The following GCNT2 variants were observed in gnomAD, a reference collection of about 807,000 sequenced individuals.
GCNT2 encodes the protein glucosaminyl (N-acetyl) transferase 2 (I blood group), also known as N-acetyllactosaminide beta-1,6-N-acetylglucosaminyl-transferase.
GCNT2 carries 34 observed loss-of-function variants against 34.2 expected under a neutral mutation model. The ratio of observed to expected loss-of-function variants is 1.00; its 90% confidence interval spans 0.76 to 1.32. GCNT2 has a LOEUF of 1.32. GCNT2 is among the 40% of genes most tolerant of loss of function. The pLI is 0.00. For synonymous variants in GCNT2, 212 were observed against 188.0 expected, an observed-to-expected ratio of 1.13 and a Z score of -1.04; for missense variants, 584 against 489.4, an observed-to-expected ratio of 1.19 and a Z score of -1.82.
intron 3 of GCNT2, chr6:10,581,774 C>T: frequency 1.0e-6 from 1 of 985,202 alleles, no homozygotes; most frequent in Non-Finnish European, 1.2e-6. Flanking sequence ...AAGACCTTTG[C>T]CTCTCTTTTC....
chr6:10,550,889 GTT>G (rs2113635387), intron 3 of GCNT2, among the ~76,000 whole-genome samples: 1 of 152,306 alleles, frequency 6.6e-6, no homozygotes, highest in Non-Finnish European at 1.5e-5. Flanking sequence ...TAAAAGTAAA[GTT>G]TGCAAACCAC....
intron 3 of GCNT2, among the ~76,000 whole-genome samples, chr6:10,580,977 C>T (rs1272458880): frequency 1.3e-5 from 2 of 152,122 alleles, no homozygotes; most frequent in East Asian, 3.9e-4. Context: ...ACAGAATGAC[C>T]ACTTAACAAT....
rs1376570134 is a variant in GCNT2, at chr6:10,629,256, A to C, written c.*2649A>C. ...GTTGGAAGAGCATAGTGTTTGGGCT[A>C]GTGGGTTTCTGACAGCCCATGGGAA... is the stretch of plus-strand genomic sequence containing the variant. On this transcript the variant is annotated 3_prime_UTR_variant, in exon 5 of 5. Coordinates refer to ENST00000495262, the MANE Select transcript of GCNT2 (RefSeq NM_145649.5). 1.3e-5 allele frequency: 2 copies of C among 152,558 alleles called. No homozygotes were observed. The highest frequency in any genetic ancestry group is 2.9e-5 in the Non-Finnish European group (2 of 68,012). The allele number at this position is 152,558 out of a possible 1,614,324, so 9.5% of individuals were successfully genotyped here.
chr6:10,558,261 G>A (rs1366702730), intron 3 of GCNT2, among the ~76,000 whole-genome samples: 2 of 152,140 alleles, frequency 1.3e-5, no homozygotes, highest in African/African-American at 4.8e-5. Context: ...GAGAGTAAAT[G>A]CTCAATAAGT....
Position 10,605,208 on chromosome 6 carries a change from A to ATTTTTTT in GCNT2, c.926-16124_926-16118dup, listed in dbSNP as rs869167781. 1.5e-3 allele frequency among the ~76,000 whole-genome samples: 139 copies of ATTTTTTT among 94,214 alleles called. 6 individuals carry two copies. Among genetic ancestry groups the ATTTTTTT allele is most frequent in the African/African-American group, 3.4e-3 (77 of 22,580 alleles). The allele number at this position is 94,214 out of a possible 152,430, so 61.8% of individuals were successfully genotyped here. A position where few individuals can be genotyped will look rare whatever the true frequency, so the allele number is the denominator to read the frequency against. On this transcript the variant is annotated intron_variant, in intron 3 of 4. Coordinates refer to ENST00000495262, the MANE Select transcript of GCNT2 (RefSeq NM_145649.5). ...AACCACATATTGCTTTCATGTAGGA[A>ATTTTTTT]TTTTTTTTTTTTTTTTTTTTTTTTT... is the stretch of plus-strand genomic sequence containing the variant.
chr6:10,531,698 G>A (rs1761497890), intron 3 of GCNT2, among the ~76,000 whole-genome samples: 1 of 152,130 alleles, frequency 6.6e-6, no homozygotes, highest in Non-Finnish European at 1.5e-5. Context: ...GGAAAGCACA[G>A]AGCTGTTTAA....
chr6:10,541,163 C>A (rs969212976), intron 3 of GCNT2, among the ~76,000 whole-genome samples: 1 of 152,100 alleles, frequency 6.6e-6, no homozygotes, highest in South Asian at 2.1e-4. Flanking sequence ...CTGATGCTTT[C>A]CCTCTGCCAA....
chr6:10,590,595 C>T (rs1764592467), intron 3 of GCNT2, among the ~76,000 whole-genome samples: 2 of 150,870 alleles, frequency 1.3e-5, no homozygotes, highest in African/African-American at 4.9e-5. Flanking sequence ...TGCTCTGTCG[C>T]CAGGCTGAAG....
At chr6:10,532,484 C>T (rs1252063879) in intron 3 of GCNT2, among the ~76,000 whole-genome samples, 2 of 152,140 alleles carry the variant, frequency 1.3e-5, no homozygotes, top group Non-Finnish European at 2.9e-5. Flanking sequence ...GGCTGGAGTG[C>T]AGTGGCACAA....
At chr6:10,616,907 CAG>C (rs1334182797) in intron 3 of GCNT2, among the ~76,000 whole-genome samples, 1 of 152,212 alleles carries the variant, frequency 6.6e-6, no homozygotes, top group East Asian at 1.9e-4. Flanking sequence ...GAGCTAGAGA[CAG>C]AGTGCTGATT....
Position 10,621,338 on chromosome 6 carries a change from A to G in GCNT2, c.926-13A>G, listed in dbSNP as rs1357031120. 23 of 1,561,252 alleles carry G rather than the reference A, an allele frequency of 1.5e-5. No homozygotes were observed. Among genetic ancestry groups the G allele is most frequent in the Non-Finnish European group, 1.9e-5 (21 of 1,133,066 alleles). ...ACTCTCATCTCTACGCTTCTTCTTT[A>G]TCAACATTGCAGGTGTTCCTGGCTC... On this transcript the variant is annotated splice_polypyrimidine_tract_variant and intron_variant, in intron 3 of 4. Transcript: ENST00000495262.
At chr6:10,550,209 A>G (rs1480103126) in intron 3 of GCNT2, among the ~76,000 whole-genome samples, 1 of 152,082 alleles carries the variant, frequency 6.6e-6, no homozygotes, top group Non-Finnish European at 1.5e-5. Context: ...GCCCACCACC[A>G]TGCCTGGCTA....
At chr6:10,528,041 T>A (rs1442895877) in intron 2 of GCNT2, among the ~76,000 whole-genome samples, 1 of 152,206 alleles carries the variant, frequency 6.6e-6, no homozygotes, top group Admixed American at 6.5e-5. Flanking sequence ...TATGTTAGCC[T>A]GTATGCAATT....
At chr6:10,600,601 G>A (rs1053974428) in intron 3 of GCNT2, among the ~76,000 whole-genome samples, 7 of 152,014 alleles carry the variant, frequency 4.6e-5, no homozygotes, top group Non-Finnish European at 1.0e-4. Context: ...CATCCCTGCT[G>A]CTTGCCTTTT....
At chr6:10,575,315 T>C (rs1763756625) in intron 3 of GCNT2, 1 of 180,632 alleles carries the variant, frequency 5.5e-6, no homozygotes, top group Non-Finnish European at 1.2e-5. Flanking sequence ...ACAGTGTCTG[T>C]TTAACTGGAA....
intron 3 of GCNT2, among the ~76,000 whole-genome samples, chr6:10,602,044 G>A (rs1222287632): frequency 2.0e-5 from 3 of 152,120 alleles, no homozygotes; most frequent in African/African-American, 4.8e-5. Context: ...CCTAGGCAGA[G>A]GAGAGGGTAC....
intron 3 of GCNT2, among the ~76,000 whole-genome samples, chr6:10,531,478 C>CT (rs1761485466): frequency 6.6e-6 from 1 of 152,182 alleles, no homozygotes; most frequent in Admixed American, 6.5e-5. Flanking sequence ...TGTTTCCCTC[C>CT]TTGGGGCAAG....
intron 3 of GCNT2, among the ~76,000 whole-genome samples, chr6:10,601,707 T>C (rs1232188593): frequency 6.6e-6 from 1 of 152,086 alleles, no homozygotes; most frequent in Admixed American, 6.6e-5. Context: ...TTTGGAAGGC[T>C]GAGGCAGGTG....
intron 1 of GCNT2, among the ~76,000 whole-genome samples, chr6:10,522,603 A>G (rs1057390494): frequency 1.3e-5 from 2 of 152,182 alleles, no homozygotes; most frequent in Non-Finnish European, 2.9e-5. Flanking sequence ...CTGATTGAAC[A>G]GCATATTGCA....
Sources: gnomAD v4.1 joint callset for allele counts (sites outside exome capture counted in the v4.1 genomes callset) on GRCh38, gnomAD v4.1.1 for gene constraint, MANE v1.5 for transcripts, NCBI Gene and HGNC (gene_info 2026-07-23, HGNC 2026-07-21) for gene names.